The following CPM variants were observed in gnomAD, a reference collection of about 807,000 sequenced individuals.
CPM encodes the protein renal carboxypeptidase.
Under a neutral mutation model 46.4 loss-of-function variants are expected in CPM, and 35 were observed. The observed-to-expected ratio is 0.75, with a 90% CI of 0.58 to 1.00. The LOEUF is 1.00. CPM is among the 50% of genes least tolerant of loss of function. The pLI, the probability that CPM is intolerant of heterozygous loss-of-function variation, is 0.00. For synonymous variants in CPM, 195 were observed against 195.3 expected (o/e 1.00, Z 0.01); for missense variants, 422 against 530.4 (o/e 0.80, Z 2.01).
chr12:68,891,020 A>T (rs1391917447), intron 2 of CPM, among the ~76,000 whole-genome samples: 1 of 152,218 alleles, frequency 6.6e-6, no homozygotes, highest in African/African-American at 2.4e-5. Context: ...CTTACAAGTC[A>T]CCTCTGACCT....
At chr12:68,849,334 C>T (rs1252816366), downstream of CPM, 1 of 151,650 alleles carries the variant, frequency 6.6e-6, no homozygotes, top group Non-Finnish European at 1.5e-5. Context: ...AGGTGACCCA[C>T]CTGCTTTGGC....
chr12:68,896,963 T>C (rs1024310610), intron 2 of CPM, among the ~76,000 whole-genome samples: 1 of 151,654 alleles, frequency 6.6e-6, no homozygotes, highest in Non-Finnish European at 1.5e-5. Context: ...TGCAATAAAT[T>C]TTCTTTTTTT....
intron 2 of CPM, among the ~76,000 whole-genome samples, chr12:68,931,798 T>G (rs1246398068): frequency 9.6e-6 from 1 of 104,406 alleles, no homozygotes; most frequent in Non-Finnish European, 2.1e-5. Context: ...AAAGATGAAA[T>G]AACGATATCT....
intron 2 of CPM, among the ~76,000 whole-genome samples, chr12:68,898,266 C>T (rs114512382): frequency 1.3e-5 from 2 of 152,150 alleles, no homozygotes; most frequent in Admixed American, 1.3e-4. Context: ...GAGGTCTGCA[C>T]AGCCCTATTG....
intron 2 of CPM, among the ~76,000 whole-genome samples, chr12:68,912,296 T>A (rs777301714): frequency 1.6e-4 from 24 of 152,214 alleles, no homozygotes; most frequent in Non-Finnish European, 3.5e-4. Flanking sequence ...TGAGCCACCA[T>A]GCCTGCCTGT....
At chr12:68,952,782 G>A (rs1212850525) in intron 1 of CPM, among the ~76,000 whole-genome samples, 1 of 152,204 alleles carries the variant, frequency 6.6e-6, no homozygotes, top group Admixed American at 6.5e-5. Context: ...ATTCCATGGA[G>A]GTTTCATTTT....
chr12:68,868,277 AC>A (rs1204895860), intron 6 of CPM, among the ~76,000 whole-genome samples: 9 of 152,062 alleles, frequency 5.9e-5, no homozygotes, highest in African/African-American at 2.2e-4. Flanking sequence ...TGCTGCCTGG[AC>A]CTGTTGCCTA....
chr12:68,923,525 T>G (rs1440982460), intron 2 of CPM, among the ~76,000 whole-genome samples: 1 of 152,210 alleles, frequency 6.6e-6, no homozygotes, highest in Non-Finnish European at 1.5e-5. Flanking sequence ...AGATGATGCC[T>G]CTTGCTTTCA....
intron 2 of CPM, among the ~76,000 whole-genome samples, chr12:68,919,879 A>G (rs909314217): frequency 2.0e-5 from 3 of 152,214 alleles, no homozygotes; most frequent in Admixed American, 1.3e-4. Context: ...TAGTATTATT[A>G]GTAAGGTGTG....
chr12:68,891,285 C>A (rs1260368291), intron 2 of CPM, among the ~76,000 whole-genome samples: 1 of 152,224 alleles, frequency 6.6e-6, no homozygotes, highest in Non-Finnish European at 1.5e-5. Flanking sequence ...TTGAAAATCA[C>A]ATATTATTTA....
intron 2 of CPM, among the ~76,000 whole-genome samples, chr12:68,896,384 AG>A (rs1435165708): frequency 6.6e-6 from 1 of 150,858 alleles, no homozygotes; most frequent in East Asian, 2.0e-4. Flanking sequence ...CCTGCAAGCA[AG>A]GGATTTTGTA....
intron 2 of CPM, among the ~76,000 whole-genome samples, chr12:68,886,094 C>G (rs935991948): frequency 6.6e-6 from 1 of 152,090 alleles, no homozygotes; most frequent in African/African-American, 2.4e-5. Context: ...CAATTCAGCA[C>G]AAATATTTCA....
chr12:68,911,190 G>C (rs1887581682), intron 2 of CPM, among the ~76,000 whole-genome samples: 1 of 152,188 alleles, frequency 6.6e-6, no homozygotes, highest in African/African-American at 2.4e-5. Flanking sequence ...TGTTAGTTCA[G>C]GTTTCCTAAT....
At chr12:68,931,879 A>G (rs1165628805) in intron 2 of CPM, among the ~76,000 whole-genome samples, 1 of 152,170 alleles carries the variant, frequency 6.6e-6, no homozygotes, top group Non-Finnish European at 1.5e-5. Flanking sequence ...GGAGACCTTG[A>G]ACAAATTATT....
chr12:68,931,744 C>CAAAAAAAAAAAAAAAAAAAAAAAAA (rs1230893187), intron 2 of CPM, among the ~76,000 whole-genome samples: 1 of 36,200 alleles, frequency 2.8e-5, no homozygotes, highest in East Asian at 8.9e-4. Flanking sequence ...AGACTCTGAC[C>CAAAAAAAAAAAAAAAAAAAAAAAAA]AAAAAAAAAA....
intron 1 of CPM, among the ~76,000 whole-genome samples, chr12:68,940,892 G>T (rs79625651): frequency 6.6e-6 from 1 of 152,090 alleles, no homozygotes; most frequent in South Asian, 2.1e-4. Context: ...GTACAGTGCA[G>T]TTGTGTTAAC....
chr12:68,938,331 G>A (rs993964679), intron 1 of CPM, among the ~76,000 whole-genome samples: 2 of 151,962 alleles, frequency 1.3e-5, no homozygotes, highest in Non-Finnish European at 2.9e-5. Context: ...GACCCCAGGG[G>A]TTTGAGGTTG....
At chr12:68,878,486 C>G (rs750391029) in intron 3 of CPM, among the ~76,000 whole-genome samples, 1 of 152,172 alleles carries the variant, frequency 6.6e-6, no homozygotes, top group Non-Finnish European at 1.5e-5. Context: ...GATAAACTGG[C>G]TCATCTGGTC....
chr12:68,902,274 C>A (rs1179482636), intron 2 of CPM, among the ~76,000 whole-genome samples: 2 of 152,124 alleles, frequency 1.3e-5, no homozygotes, highest in Non-Finnish European at 2.9e-5. Flanking sequence ...TTTGCTGTAC[C>A]TGCTGTTGCA....
Sources: gnomAD v4.1 joint callset for allele counts (sites outside exome capture counted in the v4.1 genomes callset) on GRCh38, gnomAD v4.1.1 for gene constraint, MANE v1.5 for transcripts, NCBI Gene and HGNC (gene_info 2026-07-23, HGNC 2026-07-21) for gene names.